The following GRID1 variants were observed in gnomAD, a reference collection of about 807,000 sequenced individuals.
The protein encoded by GRID1 is glutamate ionotropic receptor delta type subunit 1, also known as glutamate receptor ionotropic, delta-1.
A neutral mutation model predicts 98.0 loss-of-function variants in GRID1; 28 were observed. The ratio of observed to expected loss-of-function variants is 0.29; its 90% CI spans 0.21 to 0.39. The LOEUF (loss-of-function observed/expected upper bound fraction) is 0.39. Ranked by LOEUF, GRID1 falls within the 10% of genes least tolerant of loss-of-function variation. GRID1 has a pLI of 1.00. For missense variants in GRID1, 1,111 were observed against 1,340.5 expected, an observed-to-expected ratio of 0.83 and a Z score of 2.67; for synonymous variants, 553 against 538.5, an observed-to-expected ratio of 1.03 and a Z score of -0.37.
intron 6 of GRID1, among the ~76,000 whole-genome samples, chr10:85,865,678 T>C (rs1843208081): frequency 6.6e-6 from 1 of 151,680 alleles, no homozygotes; most frequent in Non-Finnish European, 1.5e-5. Flanking sequence ...TAGAGGCTAG[T>C]AGAAATTAGT....
At chr10:85,855,082 C>A (rs1843096794) in intron 7 of GRID1, among the ~76,000 whole-genome samples, 2 of 152,236 alleles carry the variant, frequency 1.3e-5, no homozygotes, top group African/African-American at 2.4e-5. Context: ...GAGGGCACAG[C>A]AAGATCCCTA....
intron 4 of GRID1, among the ~76,000 whole-genome samples, chr10:85,981,166 G>A (rs1371183967): frequency 6.6e-6 from 1 of 152,168 alleles, no homozygotes; most frequent in Non-Finnish European, 1.5e-5. Flanking sequence ...CTCTGACCCA[G>A]GCCCTGGAAG....
chr10:86,029,468 G>A (rs527417879), intron 4 of GRID1, among the ~76,000 whole-genome samples: 4 of 152,230 alleles, frequency 2.6e-5, no homozygotes, highest in African/African-American at 7.2e-5. Context: ...AATCCAAAAG[G>A]CCTAATAATC....
At chr10:85,675,753 G>T (rs566562995) in intron 12 of GRID1, among the ~76,000 whole-genome samples, 53 of 152,314 alleles carry the variant, frequency 3.5e-4, no homozygotes, top group African/African-American at 1.2e-3. Context: ...ATGCAGCCTG[G>T]TGTGACATTA....
chr10:86,207,093 C>T (rs1846037258), intron 2 of GRID1, among the ~76,000 whole-genome samples: 1 of 152,192 alleles, frequency 6.6e-6, no homozygotes, highest in African/African-American at 2.4e-5. Context: ...AGAGAATATA[C>T]TGTGTGTTCT....
At chr10:85,942,056 C>A (rs867629885) in intron 4 of GRID1, among the ~76,000 whole-genome samples, 1 of 152,206 alleles carries the variant, frequency 6.6e-6, no homozygotes, top group African/African-American at 2.4e-5. Flanking sequence ...TCTTCAGGAT[C>A]TATCCCAACT....
At chr10:86,328,284 T>C (rs928539720) in intron 2 of GRID1, among the ~76,000 whole-genome samples, 1 of 152,268 alleles carries the variant, frequency 6.6e-6, no homozygotes, top group African/African-American at 2.4e-5. Context: ...AGCAAGCTGA[T>C]TTCAGTTTTC....
intron 6 of GRID1, among the ~76,000 whole-genome samples, chr10:85,858,688 G>A (rs1369971986): frequency 6.6e-6 from 1 of 152,116 alleles, no homozygotes; most frequent in Non-Finnish European, 1.5e-5. Context: ...TTAACGATGG[G>A]AAGATTTCTC....
chr10:86,024,991 G>A (rs1188519026), intron 4 of GRID1, among the ~76,000 whole-genome samples: 1 of 152,216 alleles, frequency 6.6e-6, no homozygotes, highest in Non-Finnish European at 1.5e-5. Context: ...AGTTTGCAGT[G>A]TCAGTCCCAA....
intron 8 of GRID1, among the ~76,000 whole-genome samples, chr10:85,808,571 G>A (rs1053469152): frequency 6.6e-6 from 1 of 152,128 alleles, no homozygotes; most frequent in African/African-American, 2.4e-5. Context: ...TAAACATCTC[G>A]ATGAATAAAT....
chr10:85,973,424 C>T (rs979268055), intron 4 of GRID1, among the ~76,000 whole-genome samples: 2 of 151,916 alleles, frequency 1.3e-5, no homozygotes, highest in African/African-American at 4.8e-5. Context: ...ATTACAAATC[C>T]TTCTTTTCTC....
At position 85,602,233 on chromosome 10, in the gene GRID1, C is replaced by CGGGT; in HGVS notation, c.*36_*39dup. ...TCTTGTATTAAAAAGCTCTGCTGGT[C>CGGGT]GGGTGGGTGGGAGGGTGGGCAGGAG... On this transcript the variant is annotated 3_prime_UTR_variant, in exon 16 of 16. Coordinates refer to ENST00000327946, the MANE Select transcript of GRID1 (RefSeq NM_017551.3). 4.4e-6 allele frequency: 4 copies of CGGGT among 909,574 alleles called. No homozygotes were observed. Among genetic ancestry groups the CGGGT allele is most frequent in the Non-Finnish European group, 5.7e-6 (4 of 704,582 alleles). The allele number at this position is 909,574 out of a possible 1,614,324, so 56.3% of individuals were successfully genotyped here.
At chr10:86,038,561 A>G (rs1251596274) in intron 4 of GRID1, among the ~76,000 whole-genome samples, 1 of 152,208 alleles carries the variant, frequency 6.6e-6, no homozygotes, top group Admixed American at 6.5e-5. Context: ...CTGTGCCCTA[A>G]ACAGGTGATG....
chr10:86,250,251 C>T (rs897377856), intron 2 of GRID1, among the ~76,000 whole-genome samples: 8 of 152,198 alleles, frequency 5.3e-5, no homozygotes, highest in Non-Finnish European at 8.8e-5. Context: ...CTGTTCCAGG[C>T]ATTCAAGGTG....
chr10:86,187,344 C>A (rs984823177), intron 3 of GRID1, among the ~76,000 whole-genome samples: 2 of 152,176 alleles, frequency 1.3e-5, no homozygotes, highest in African/African-American at 4.8e-5. Flanking sequence ...ATGATGTAGA[C>A]GCCTACAGGC....
chr10:85,831,966 T>A (rs957054507), intron 8 of GRID1, among the ~76,000 whole-genome samples: 4 of 151,822 alleles, frequency 2.6e-5, no homozygotes, highest in Non-Finnish European at 4.4e-5. Context: ...TTAATAAAAA[T>A]TTTAAACAAA....
intron 4 of GRID1, among the ~76,000 whole-genome samples, chr10:86,059,039 T>C (rs1016666848): frequency 6.6e-6 from 1 of 152,100 alleles, no homozygotes; most frequent in Non-Finnish European, 1.5e-5. Flanking sequence ...GAGATGGATA[T>C]GAGCTCATGA....
At chr10:85,984,569 C>T (rs1016799244) in intron 4 of GRID1, among the ~76,000 whole-genome samples, 5 of 152,198 alleles carry the variant, frequency 3.3e-5, no homozygotes, top group African/African-American at 7.2e-5. Flanking sequence ...AGGAAACTCA[C>T]GCTAGTGAAT....
chr10:85,830,110 C>A (rs1429727689), intron 8 of GRID1, among the ~76,000 whole-genome samples: 1 of 152,062 alleles, frequency 6.6e-6, no homozygotes, highest in African/African-American at 2.4e-5. Flanking sequence ...CAAAAAGAGA[C>A]ACATAGACCA....
Sources: allele counts gnomAD v4.1 joint callset (sites outside exome capture counted in the v4.1 genomes callset), GRCh38; gene constraint gnomAD v4.1.1; transcripts MANE v1.5; gene names NCBI Gene and HGNC (gene_info 2026-07-23, HGNC 2026-07-21).